MYOCD: variants seen among roughly 807,000 people sequenced by gnomAD.
MYOCD encodes myocardin.
A neutral mutation model predicts 96.1 loss-of-function variants in MYOCD; 32 were observed. That is an observed-to-expected ratio of 0.33 (90% CI 0.25 to 0.45). MYOCD has a LOEUF of 0.45. Ranked by LOEUF, MYOCD falls within the 20% of genes least tolerant of loss-of-function variation. The pLI is 1.00. For synonymous variants in MYOCD, 469 were observed against 469.0 expected, an observed-to-expected ratio of 1.00 and a Z score of 0.00; for missense variants, 1,133 against 1,200.6, an observed-to-expected ratio of 0.94 and a Z score of 0.83.
intron 6 of MYOCD, among the ~76,000 whole-genome samples, chr17:12,736,917 G>A (rs892574078): frequency 3.3e-5 from 5 of 152,158 alleles, no homozygotes; most frequent in Admixed American, 3.3e-4. Flanking sequence ...TGAGCATGAG[G>A]AACATGTATT....
At chr17:12,760,747 C>T in intron 13 of MYOCD, 40 bp downstream of exon 13, 2 of 1,520,660 alleles carry the variant, frequency 1.3e-6, no homozygotes, top group South Asian at 2.3e-5. Context: ...ACATTCTGAG[C>T]CCACATGAAC....
intron 12 of MYOCD, among the ~76,000 whole-genome samples, chr17:12,759,800 GA>G (rs1394110390): frequency 1.3e-5 from 2 of 152,194 alleles, no homozygotes; most frequent in African/African-American, 2.4e-5. Flanking sequence ...AACCAAGCAA[GA>G]GGTAGATTCA....
Position 12,665,901 on chromosome 17 carries a change from GC to G in MYOCD, c.-286del, listed in dbSNP as rs1909345886. 1 of 447,816 alleles carries G rather than the reference GC, an allele frequency of 2.2e-6. No individual in the cohort carries two copies. The highest frequency in any genetic ancestry group is 3.7e-5 in the East Asian group (1 of 27,006). The allele number at this position is 447,816 out of a possible 1,614,324, so 27.7% of individuals were successfully genotyped here. ...TGGCGATTCTCCGCAATCGCCGGCA[GC>G]CTATGACATCAGACAGGAACGCCTG... On this transcript the variant is annotated 5_prime_UTR_variant, in exon 1 of 14. Coordinates refer to ENST00000425538, the MANE Select transcript of MYOCD (RefSeq NM_001146312.3). This position sits in a 1 kb window ranked among gnomAD's most constrained non-coding sequence, Gnocchi z 4.2.
chr17:12,719,299 T>C (rs2031752518), intron 4 of MYOCD, among the ~76,000 whole-genome samples: 1 of 149,064 alleles, frequency 6.7e-6, no homozygotes, highest in Non-Finnish European at 1.5e-5. Context: ...CTGGTGGGAG[T>C]GCAATTGGAT....
chr17:12,736,323 T>C lies in MYOCD; in HGVS notation c.578T>C (p.Leu193Pro). 6.2e-7 allele frequency: 1 copy of C among 1,613,538 alleles called. No homozygotes were observed. Among genetic ancestry groups the C allele is most frequent in the Non-Finnish European group, 8.5e-7 (1 of 1,179,812 alleles). Reference protein sequence around the residue: ...KASDTPSTGSLGTNQDLASGS... With the variant: ...KASDTPSTGSPGTNQDLASGS... ...TCAGATACCCCTTCGACAGGTTCTC[T>C]GGGGACAAACCAGGTAAAAAACAAA... The change falls in exon 6 of 14, where the codon CTG (leucine) becomes CCG (proline). Residue 193 changes from leucine (L) to proline (P), a missense_variant. Transcript: ENST00000425538.
rs1004767873 is a variant in MYOCD, at chr17:12,665,977, C to A, written c.-212C>A. On this transcript the variant is annotated 5_prime_UTR_variant, in exon 1 of 14. Coordinates refer to ENST00000425538, the MANE Select transcript of MYOCD (RefSeq NM_001146312.3). This position sits in a 1 kb window ranked among gnomAD's most constrained non-coding sequence, Gnocchi z 4.2. ...CCTCCGAGGAGGAGGAGGGTCCCGC[C>A]GGCTAAGAGTTAATTAGCCCCGCAC... 1 of 538,772 alleles carries A rather than the reference C, an allele frequency of 1.9e-6. No individual in the cohort carries two copies. The allele number at this position is 538,772 out of a possible 1,614,324, so 33.4% of individuals were successfully genotyped here.
rs762123398 is a variant in MYOCD, at chr17:12,752,611, C to G, written c.1323C>G (p.Ala441=). Residue 441 remains alanine (A), a synonymous_variant, in exon 10 of 14, where the codon GCC becomes GCG. Transcript: ENST00000425538. ...ACCAGTCTTCCTCTTCTACCAGTGC[C>G]CTGTCCAACGGCTTCTACCACTTTG... The part of the protein sequence containing the change: ...PNYQSSSSTS[A]LSNGFYHFGS... 6.2e-7 allele frequency: 1 copy of G among 1,614,146 alleles called. No homozygotes were observed. The highest frequency in any genetic ancestry group is 8.5e-7 in the Non-Finnish European group (1 of 1,180,022).
chr17:12,719,132 G>A lies in MYOCD; in HGVS notation c.253+1711G>A, dbSNP rs1021406930. Among the ~76,000 whole-genome samples the A allele has an allele frequency of 3.9e-5, 5 of 127,934 alleles. No individual in the cohort carries two copies. The South Asian group carries it at 7.8e-4, about 20-fold the overall frequency. 83.9% of individuals were successfully genotyped at this position (127,934 alleles called of 152,430 possible). On this transcript the variant is annotated intron_variant, in intron 4 of 13. Transcript: ENST00000425538. ...GGAGGTTGCAGTGAGCTGAGATCGCGCCACCGCACTCCAGCCGGGGCCACA... is the reference window on the plus strand; with the variant it reads ...GGAGGTTGCAGTGAGCTGAGATCGCACCACCGCACTCCAGCCGGGGCCACA...
In MYOCD at chr17:12,740,472, C is replaced by G. The variant is rs573420550; in HGVS notation, c.717+1144C>G. On this transcript the variant is annotated intron_variant, in intron 7 of 13. Transcript: ENST00000425538. ...TCACTTAGAATAATGGCCTGCAGCTCCATCCAAGTGGCTGCAAAAGACATT... is the reference window on the plus strand; with the variant it reads ...TCACTTAGAATAATGGCCTGCAGCTGCATCCAAGTGGCTGCAAAAGACATT... 3.3e-4 allele frequency among the ~76,000 whole-genome samples: 50 copies of G among 152,204 alleles called. 1 individual carries two copies. Among genetic ancestry groups the G allele is most frequent in the Non-Finnish European group, 7.1e-4 (48 of 68,044 alleles).
chr17:12,718,992 C>T (rs1209616978), intron 4 of MYOCD, among the ~76,000 whole-genome samples: 4 of 150,726 alleles, frequency 2.7e-5, no homozygotes, highest in Non-Finnish European at 4.4e-5. Context: ...TGGCTAACAC[C>T]GTGAAACCCC....
In MYOCD at chr17:12,767,061, A is replaced by G. The variant is rs1396717820; in HGVS notation, c.*3417A>G. ...AAAGGAGGGAGAAGGGAAGGAAGGA[A>G]AGAAGAGAGGAAAGAAAGGAGGGAA... On this transcript the variant is annotated 3_prime_UTR_variant, in exon 14 of 14. Coordinates refer to ENST00000425538, the MANE Select transcript of MYOCD (RefSeq NM_001146312.3). The G allele has an allele frequency of 2.0e-5, 3 of 151,912 alleles. No homozygotes were observed. Among genetic ancestry groups the G allele is most frequent in the Admixed American group, 1.3e-4 (2 of 15,228 alleles). 9.4% of individuals were successfully genotyped at this position (151,912 alleles called of 1,614,324 possible).
In MYOCD at chr17:12,767,028, T is replaced by G. The variant is rs1036014402; in HGVS notation, c.*3384T>G. On this transcript the variant is annotated 3_prime_UTR_variant, in exon 14 of 14. Coordinates refer to ENST00000425538, the MANE Select transcript of MYOCD (RefSeq NM_001146312.3). ...GGAAGATAGGAGATGGGTAGGGGGG[T>G]AAAGAGAAAAGGAGGGAGAAGGGAA... is the stretch of plus-strand genomic sequence containing the variant. 29 of 121,924 alleles carry G rather than the reference T, an allele frequency of 2.4e-4. No individual in the cohort carries two copies. The highest frequency in any genetic ancestry group is 5.0e-4 in the South Asian group (2 of 4,006). 7.6% of individuals were successfully genotyped at this position (121,924 alleles called of 1,614,324 possible). A position where few individuals can be genotyped will look rare whatever the true frequency, so the allele number is the denominator to read the frequency against.
intron 1 of MYOCD, among the ~76,000 whole-genome samples, chr17:12,697,160 C>A (rs544639462): frequency 6.6e-6 from 1 of 151,752 alleles, no homozygotes; most frequent in Non-Finnish European, 1.5e-5. Flanking sequence ...TTTGATTGAG[C>A]CTTGGGTCCC....
chr17:12,713,648 T>C (rs2031547106), intron 2 of MYOCD, among the ~76,000 whole-genome samples: 1 of 149,294 alleles, frequency 6.7e-6, no homozygotes, highest in Non-Finnish European at 1.5e-5. Context: ...ATTGTGTAGA[T>C]CCACAATGGC....
At chr17:12,682,890 T>C (rs973938409) in intron 1 of MYOCD, among the ~76,000 whole-genome samples, 2 of 152,204 alleles carry the variant, frequency 1.3e-5, no homozygotes, top group Non-Finnish European at 1.5e-5. Flanking sequence ...TCAACAATTA[T>C]CATATGGAAC....
At chr17:12,705,322 C>A in intron 2 of MYOCD, 129 bp downstream of exon 2, 1 of 622,428 alleles carries the variant, frequency 1.6e-6, no homozygotes, top group East Asian at 2.9e-5. Flanking sequence ...GCATTGGTAT[C>A]AGCAGAAATC....
intron 8 of MYOCD, among the ~76,000 whole-genome samples, chr17:12,745,708 T>C (rs1263539722): frequency 6.6e-6 from 1 of 152,172 alleles, no homozygotes; most frequent in Non-Finnish European, 1.5e-5. Context: ...CCAAAGTCCC[T>C]GCCACTCCCT....
In MYOCD at chr17:12,723,133, T is replaced by C. The variant is rs1026951534; in HGVS notation, c.415+125T>C. On this transcript the variant is annotated intron_variant, in intron 5 of 13. Coordinates refer to ENST00000425538, the MANE Select transcript of MYOCD (RefSeq NM_001146312.3). ...ACCAGATAAGAGCCATACCATGGGT[T>C]GTTAGTCCAGTTAATTCTCCATAAC... 1.2e-4 allele frequency: 104 copies of C among 903,134 alleles called. No individual in the cohort carries two copies. In the Admixed American group the frequency reaches 2.7e-3, roughly 24 times the overall value. 55.9% of individuals were successfully genotyped at this position (903,134 alleles called of 1,614,324 possible). A position where few individuals can be genotyped will look rare whatever the true frequency, so the allele number is the denominator to read the frequency against.
intron 5 of MYOCD, among the ~76,000 whole-genome samples, chr17:12,726,043 T>C (rs1038829972): frequency 6.6e-6 from 1 of 152,236 alleles, no homozygotes; most frequent in Admixed American, 6.5e-5. Flanking sequence ...GTATTTTATT[T>C]GGGATTTTGC....
Sources: allele counts gnomAD v4.1 joint callset (sites outside exome capture counted in the v4.1 genomes callset), GRCh38; gene constraint gnomAD v4.1.1; non-coding constraint Gnocchi (gnomAD v3.1); transcripts MANE v1.5; gene names NCBI Gene and HGNC (gene_info 2026-07-23, HGNC 2026-07-21).